SPPL3: variants seen among roughly 807,000 people sequenced by gnomAD.
SPPL3 encodes the protein signal peptide peptidase-like 3.
SPPL3 carries 5 observed loss-of-function variants against 42.4 expected under a neutral mutation model. That is an observed-to-expected ratio of 0.12 (90% CI 0.06 to 0.25). The LOEUF (loss-of-function observed/expected upper bound fraction) is 0.25. SPPL3 is among the 10% of genes least tolerant of loss of function. The pLI is 1.00. For synonymous variants in SPPL3, 195 were observed against 181.8 expected, an observed-to-expected ratio of 1.07 and a Z score of -0.58; for missense variants, 235 against 489.0, an observed-to-expected ratio of 0.48 and a Z score of 4.90.
intron 1 of SPPL3, among the ~76,000 whole-genome samples, chr12:120,884,137 G>GT (rs143436234): frequency 5.4e-5 from 8 of 149,314 alleles, no homozygotes; most frequent in Non-Finnish European, 8.9e-5. Flanking sequence ...TGTAAATCTA[G>GT]TTTTTTTAAA....
chr12:120,779,875 G>GT (rs1289946124), intron 6 of SPPL3, among the ~76,000 whole-genome samples: 2 of 144,200 alleles, frequency 1.4e-5, no homozygotes, highest in African/African-American at 5.2e-5. Context: ...GTGGGCACCT[G>GT]TAATCCCAGT....
chr12:120,892,983 G>GAAA (rs1873689194), intron 1 of SPPL3, among the ~76,000 whole-genome samples: 1 of 20,306 alleles, frequency 4.9e-5, no homozygotes, highest in African/African-American at 1.1e-4. Context: ...CTCTGTCTCG[G>GAAA]GAAAAAAAAA....
chr12:120,800,007 T>G (rs1030680221), intron 2 of SPPL3, among the ~76,000 whole-genome samples: 5 of 152,250 alleles, frequency 3.3e-5, no homozygotes, highest in Non-Finnish European at 7.3e-5. Context: ...ATTTATTAAG[T>G]GCATAGACAT....
chr12:120,859,498 C>G (rs890499955), intron 1 of SPPL3, among the ~76,000 whole-genome samples: 2 of 152,102 alleles, frequency 1.3e-5, no homozygotes, highest in Non-Finnish European at 2.9e-5. Flanking sequence ...ATTACTTTGA[C>G]AAAAAAGTTT....
intron 6 of SPPL3, among the ~76,000 whole-genome samples, chr12:120,770,892 CCT>C (rs1438791968): frequency 6.6e-6 from 1 of 152,196 alleles, no homozygotes; most frequent in East Asian, 1.9e-4. Flanking sequence ...GTCTAGTTGG[CCT>C]CTCAAATCTA....
chr12:120,830,606 A>AGAGAGAGAG (rs377406347), intron 1 of SPPL3, among the ~76,000 whole-genome samples: 117 of 124,562 alleles, frequency 9.4e-4, no homozygotes, highest in East Asian at 2.9e-3. Context: ...AGAGAGAGAG[A>AGAGAGAGAG]AGGTGTACAT....
At chr12:120,817,980 T>C (rs774832358) in intron 1 of SPPL3, among the ~76,000 whole-genome samples, 2 of 152,126 alleles carry the variant, frequency 1.3e-5, no homozygotes, top group African/African-American at 2.4e-5. Context: ...AGAAAAGGTA[T>C]TCCAAGGAAA....
chr12:120,849,956 G>A (rs917124329), intron 1 of SPPL3, among the ~76,000 whole-genome samples: 2 of 152,166 alleles, frequency 1.3e-5, no homozygotes, highest in Non-Finnish European at 2.9e-5. Flanking sequence ...TCCTAACAGA[G>A]TGTGTAGATA....
At chr12:120,821,537 A>G (rs1871071810) in intron 1 of SPPL3, among the ~76,000 whole-genome samples, 1 of 152,272 alleles carries the variant, frequency 6.6e-6, no homozygotes, top group Non-Finnish European at 1.5e-5. Context: ...TTACAGAAAA[A>G]AAAAATTATA....
intron 1 of SPPL3, among the ~76,000 whole-genome samples, chr12:120,872,848 C>T (rs1025907518): frequency 6.6e-6 from 1 of 152,160 alleles, no homozygotes. Flanking sequence ...TAAAAGTAAG[C>T]TTCACAAGGA....
intron 1 of SPPL3, among the ~76,000 whole-genome samples, chr12:120,896,878 T>C (rs996403757): frequency 2.0e-5 from 3 of 152,204 alleles, no homozygotes; most frequent in Non-Finnish European, 2.9e-5. Flanking sequence ...CATTAAACTC[T>C]AGAAACATCA....
chr12:120,764,726 T>A lies in SPPL3; in HGVS notation c.*273A>T. 1 of 430,270 alleles carries A rather than the reference T, an allele frequency of 2.3e-6. No homozygotes were observed. Among genetic ancestry groups the A allele is most frequent in the Non-Finnish European group, 4.1e-6 (1 of 244,416 alleles). 26.7% of individuals were successfully genotyped at this position (430,270 alleles called of 1,614,324 possible). A position where few individuals can be genotyped will look rare whatever the true frequency, so the allele number is the denominator to read the frequency against. ...CCAGAAGGTAACAGTCTGGTGCAGATCCATAAAAACGTGGGAGGAAGGCGC... is the reference window on the plus strand; with the variant it reads ...CCAGAAGGTAACAGTCTGGTGCAGAACCATAAAAACGTGGGAGGAAGGCGC... On this transcript the variant is annotated 3_prime_UTR_variant, in exon 11 of 11. Transcript: ENST00000353487.
At chr12:120,846,797 A>T (rs1373086651) in intron 1 of SPPL3, among the ~76,000 whole-genome samples, 1 of 152,216 alleles carries the variant, frequency 6.6e-6, no homozygotes, top group Non-Finnish European at 1.5e-5. Context: ...AAAGTTCTAA[A>T]CTGGTTTCAC....
In SPPL3 at chr12:120,904,003, G is replaced by C; in HGVS notation, c.-136C>G. 1 of 728,706 alleles carries C rather than the reference G, an allele frequency of 1.4e-6. No individual in the cohort carries two copies. The highest frequency in any genetic ancestry group is 1.9e-6 in the Non-Finnish European group (1 of 535,910). The allele number at this position is 728,706 out of a possible 1,614,324, so 45.1% of individuals were successfully genotyped here. On this transcript the variant is annotated 5_prime_UTR_variant, in exon 1 of 11. Transcript: ENST00000353487. Reference sequence around the variant, plus strand: ...TCGCTCGCTGGCTCGCTGGCTGCACGGCGGGCCGGGAAGGCGGCTGGCGGG... The same window carrying C: ...TCGCTCGCTGGCTCGCTGGCTGCACCGCGGGCCGGGAAGGCGGCTGGCGGG...
rs1260505627 is a variant in SPPL3, at chr12:120,768,965, A to G, written c.597T>C (p.Tyr199=). Residue 199 remains tyrosine (Y), a synonymous_variant, in exon 7 of 11, where the codon TAT becomes TAC. Coordinates refer to ENST00000353487, the MANE Select transcript of SPPL3 (RefSeq NM_139015.5). ...SCLLLSGLLI[Y]DVFWVFFSAY... ...CATAAACGCTTACCCAAAAGACATC[A>G]TAGATGAGAAGCCCTGAGAGAAGCA... 1.9e-6 allele frequency: 3 copies of G among 1,610,114 alleles called. No individual in the cohort carries two copies. The highest frequency in any genetic ancestry group is 3.4e-5 in the Admixed American group (2 of 59,466).
intron 1 of SPPL3, among the ~76,000 whole-genome samples, chr12:120,818,968 T>C (rs1012171486): frequency 2.2e-4 from 34 of 152,208 alleles, no homozygotes; most frequent in African/African-American, 7.5e-4. Context: ...CTCTTTAATG[T>C]CTAGCTTAAA....
At chr12:120,815,773 C>T (rs1041221471) in intron 1 of SPPL3, among the ~76,000 whole-genome samples, 1 of 152,132 alleles carries the variant, frequency 6.6e-6, no homozygotes, top group Non-Finnish European at 1.5e-5. Flanking sequence ...GTCGCCCAGT[C>T]TGGAGTGCAA....
intron 6 of SPPL3, among the ~76,000 whole-genome samples, chr12:120,779,455 C>A (rs145401343): frequency 3.9e-4 from 59 of 152,242 alleles, no homozygotes; most frequent in African/African-American, 1.4e-3. Flanking sequence ...CATACCTGTA[C>A]CCCAGATTTT....
At position 120,902,942 on chromosome 12, in the gene SPPL3, T is replaced by C. The variant is rs75922909; in HGVS notation, c.23+903A>G. Among the ~76,000 whole-genome samples the C allele has an allele frequency of 5.9e-3, 897 of 152,216 alleles. 12 individuals carry two copies. Among genetic ancestry groups the C allele is most frequent in the African/African-American group, 0.019 (809 of 41,520 alleles). On this transcript the variant is annotated intron_variant, in intron 1 of 10. Coordinates refer to ENST00000353487, the MANE Select transcript of SPPL3 (RefSeq NM_139015.5). ...CATGCTAAAGGGAGACCCCTCATGT[T>C]CCTTCCCCCAAACCCTGGCACTCCC...
Sources: gnomAD v4.1 joint callset for allele counts (sites outside exome capture counted in the v4.1 genomes callset) on GRCh38, gnomAD v4.1.1 for gene constraint, MANE v1.5 for transcripts, NCBI Gene and HGNC (gene_info 2026-07-23, HGNC 2026-07-21) for gene names.